The following PPP1R9A variants were observed in gnomAD, a reference collection of about 807,000 sequenced individuals.
PPP1R9A encodes protein phosphatase 1 regulatory subunit 9A.
Under a neutral mutation model 141.9 loss-of-function variants are expected in PPP1R9A, and 59 were observed. The ratio of observed to expected loss-of-function variants is 0.42; its 90% CI spans 0.34 to 0.52. PPP1R9A has a LOEUF of 0.52. Among genes scored for constraint, PPP1R9A ranks in the 20% least tolerant of loss-of-function variants. PPP1R9A has a pLI of 0.10. For synonymous variants in PPP1R9A, 500 were observed against 569.7 expected (o/e 0.88, Z 1.74); for missense variants, 1,444 against 1,611.9 (o/e 0.90, Z 1.78).
chr7:95,086,901 G>A (rs1201824681), intron 2 of PPP1R9A, among the ~76,000 whole-genome samples: 2 of 151,926 alleles, frequency 1.3e-5, no homozygotes, highest in Non-Finnish European at 2.9e-5. Flanking sequence ...GAGAGTTTAG[G>A]TCGGGAGCAA....
intron 2 of PPP1R9A, among the ~76,000 whole-genome samples, chr7:95,015,910 A>T (rs1040144951): frequency 3.3e-5 from 5 of 151,968 alleles, no homozygotes; most frequent in Non-Finnish European, 5.9e-5. Flanking sequence ...AAATTAGGGC[A>T]GGCATGGTGG....
At chr7:94,984,172 G>T (rs1800499506) in intron 2 of PPP1R9A, among the ~76,000 whole-genome samples, 2 of 152,144 alleles carry the variant, frequency 1.3e-5, no homozygotes, top group African/African-American at 4.8e-5. Context: ...TGCATCCCAG[G>T]GATGAAGCCC....
intron 2 of PPP1R9A, among the ~76,000 whole-genome samples, chr7:95,097,864 A>G (rs1055017582): frequency 5.3e-5 from 8 of 152,322 alleles, no homozygotes; most frequent in African/African-American, 1.9e-4. Flanking sequence ...AGAAGATAAC[A>G]TTTTAAGAGA....
At chr7:95,137,339 G>C (rs914388044) in intron 4 of PPP1R9A, among the ~76,000 whole-genome samples, 1 of 132,802 alleles carries the variant, frequency 7.5e-6, no homozygotes, top group Non-Finnish European at 1.6e-5. Context: ...GGGGTGTTTG[G>C]TTTTTTGTCC....
chr7:94,920,918 T>C (rs920131730), intron 2 of PPP1R9A, among the ~76,000 whole-genome samples: 1 of 152,204 alleles, frequency 6.6e-6, no homozygotes, highest in Non-Finnish European at 1.5e-5. Flanking sequence ...TCTCTTTTAT[T>C]CACCTCGGAT....
chr7:95,266,793 C>T (rs854521), intron 12 of PPP1R9A, among the ~76,000 whole-genome samples: 93,099 of 151,948 alleles, frequency 0.61, 29,217 homozygotes, highest in African/African-American at 0.75. Flanking sequence ...CTTTCATCTA[C>T]GTGGTGTTCC....
At chr7:95,014,252 A>G (rs1340433961) in intron 2 of PPP1R9A, among the ~76,000 whole-genome samples, 3 of 152,106 alleles carry the variant, frequency 2.0e-5, no homozygotes, top group Non-Finnish European at 1.5e-5. Context: ...AGGCTCAGAC[A>G]TTAATTACAT....
chr7:95,227,507 TTA>T (rs1220516008), intron 8 of PPP1R9A, among the ~76,000 whole-genome samples: 4 of 152,216 alleles, frequency 2.6e-5, no homozygotes, highest in African/African-American at 9.6e-5. Flanking sequence ...GGTTAGCAAA[TTA>T]TGATACATTG....
At chr7:95,187,905 CTTG>C (rs905731823) in intron 5 of PPP1R9A, among the ~76,000 whole-genome samples, 2 of 151,872 alleles carry the variant, frequency 1.3e-5, no homozygotes, top group African/African-American at 4.8e-5. Flanking sequence ...TTTATTGAGA[CTTG>C]TTTAATTTAT....
intron 4 of PPP1R9A, among the ~76,000 whole-genome samples, chr7:95,153,595 C>A (rs1343139769): frequency 6.6e-6 from 1 of 152,100 alleles, no homozygotes; most frequent in Non-Finnish European, 1.5e-5. Context: ...TCTGATTTGT[C>A]CAAAGAATCA....
intron 2 of PPP1R9A, among the ~76,000 whole-genome samples, chr7:94,926,534 G>A (rs1793506888): frequency 6.6e-6 from 1 of 152,082 alleles, no homozygotes; most frequent in Admixed American, 6.6e-5. Context: ...GGTAACTTGA[G>A]TATGTGAGTG....
intron 2 of PPP1R9A, among the ~76,000 whole-genome samples, chr7:95,072,750 A>C (rs1814071820): frequency 1.9e-5 from 2 of 106,104 alleles, no homozygotes; most frequent in African/African-American, 7.8e-5. Context: ...ATAATATATA[A>C]TATTATATTA....
intron 9 of PPP1R9A, among the ~76,000 whole-genome samples, chr7:95,249,046 G>A (rs982091553): frequency 6.6e-6 from 1 of 151,998 alleles, no homozygotes; most frequent in Non-Finnish European, 1.5e-5. Flanking sequence ...AGAGTTATTG[G>A]GAATGACTTT....
At chr7:95,037,701 G>C (rs753822751) in intron 2 of PPP1R9A, among the ~76,000 whole-genome samples, 4 of 151,994 alleles carry the variant, frequency 2.6e-5, no homozygotes, top group Non-Finnish European at 4.4e-5. Flanking sequence ...GTGTGTGTGC[G>C]TGCGCGCGTG....
intron 2 of PPP1R9A, among the ~76,000 whole-genome samples, chr7:95,051,197 G>C (rs929076617): frequency 6.7e-6 from 1 of 149,766 alleles, no homozygotes; most frequent in Non-Finnish European, 1.5e-5. Context: ...TTTTTCTTTC[G>C]AATAGGGATG....
chr7:94,936,367 A>G (rs1471914809), intron 2 of PPP1R9A, among the ~76,000 whole-genome samples: 4 of 152,172 alleles, frequency 2.6e-5, no homozygotes, highest in Non-Finnish European at 4.4e-5. Context: ...TGCCCAGGAA[A>G]GCTTTTAACA....
At chr7:95,234,256 A>G (rs1796372028) in intron 8 of PPP1R9A, among the ~76,000 whole-genome samples, 1 of 152,206 alleles carries the variant, frequency 6.6e-6, no homozygotes, top group Non-Finnish European at 1.5e-5. Flanking sequence ...TGCTGTTGAT[A>G]TGATTGTATA....
chr7:95,245,454 T>A (rs545764047), intron 8 of PPP1R9A, among the ~76,000 whole-genome samples: 2 of 152,252 alleles, frequency 1.3e-5, no homozygotes, highest in South Asian at 4.2e-4. Context: ...TTCTCCAATC[T>A]TTAGTCTTCC....
At chr7:95,279,023 T>G (rs2153068658) in intron 16 of PPP1R9A, among the ~76,000 whole-genome samples, 1 of 152,292 alleles carries the variant, frequency 6.6e-6, no homozygotes, top group South Asian at 2.1e-4. Flanking sequence ...AAATGTCTAT[T>G]GTTATCATTG....
Sources: allele counts gnomAD v4.1 joint callset (sites outside exome capture counted in the v4.1 genomes callset), GRCh38; gene constraint gnomAD v4.1.1; transcripts MANE v1.5; gene names NCBI Gene and HGNC (gene_info 2026-07-23, HGNC 2026-07-21).